Variants in CNTNAP2 observed in about 807,000 individuals in gnomAD.
The protein encoded by CNTNAP2 is contactin-associated protein-like 2.
CNTNAP2 carries 98 observed loss-of-function variants against 155.2 expected under a neutral mutation model. That is an observed-to-expected ratio of 0.63 (90% CI 0.54 to 0.75). CNTNAP2 has a LOEUF of 0.75. Ranked by LOEUF, CNTNAP2 falls within the 30% of genes least tolerant of loss-of-function variation. The probability of loss-of-function intolerance (pLI) is 0.00; values close to 1 mark genes in which losing one functional copy is unlikely to be tolerated. For synonymous variants in CNTNAP2, 651 were observed against 631.2 expected, an observed-to-expected ratio of 1.03 and a Z score of -0.47; for missense variants, 1,727 against 1,688.1, an observed-to-expected ratio of 1.02 and a Z score of -0.40.
chr7:148,225,407 C>T (rs528383988), intron 19 of CNTNAP2, among the ~76,000 whole-genome samples: 1 of 152,160 alleles, frequency 6.6e-6, no homozygotes, highest in Admixed American at 6.5e-5. Flanking sequence ...GCATCCTGAA[C>T]AGAAGAACCG....
intron 8 of CNTNAP2, among the ~76,000 whole-genome samples, chr7:147,267,900 G>A (rs1369668993): frequency 6.6e-6 from 1 of 152,076 alleles, no homozygotes; most frequent in Non-Finnish European, 1.5e-5. Context: ...AGAGTACAAG[G>A]TACCCAAGGG....
intron 4 of CNTNAP2, among the ~76,000 whole-genome samples, chr7:147,089,000 TAGAG>T (rs1800341580): frequency 6.9e-6 from 1 of 145,936 alleles, no homozygotes; most frequent in East Asian, 2.0e-4. Context: ...GACAGAGAGA[TAGAG>T]AGAGAAAGAG....
At chr7:147,293,111 C>T (rs1484412772) in intron 8 of CNTNAP2, among the ~76,000 whole-genome samples, 3 of 152,160 alleles carry the variant, frequency 2.0e-5, no homozygotes, top group African/African-American at 7.2e-5. Flanking sequence ...AATGTCATGA[C>T]ATACGATCTC....
At chr7:146,181,424 A>T (rs1041228448) in intron 1 of CNTNAP2, among the ~76,000 whole-genome samples, 1 of 152,150 alleles carries the variant, frequency 6.6e-6, no homozygotes, top group Non-Finnish European at 1.5e-5. Flanking sequence ...TTTTATTATT[A>T]TTTCTAATAA....
chr7:146,831,768 G>T (rs1007729658), intron 2 of CNTNAP2, among the ~76,000 whole-genome samples: 3 of 148,586 alleles, frequency 2.0e-5, no homozygotes, highest in African/African-American at 7.5e-5. Context: ...TACTCAGTTA[G>T]TAGTTTTGCT....
intron 1 of CNTNAP2, among the ~76,000 whole-genome samples, chr7:146,141,746 T>C (rs1173613228): frequency 1.3e-5 from 2 of 152,150 alleles, no homozygotes; most frequent in African/African-American, 4.8e-5. Context: ...TCATTAGGCA[T>C]TATTACATTT....
intron 9 of CNTNAP2, among the ~76,000 whole-genome samples, chr7:147,369,935 G>A (rs1463035346): frequency 1.3e-5 from 2 of 152,184 alleles, no homozygotes; most frequent in Non-Finnish European, 2.9e-5. Context: ...TTCCTAGCTT[G>A]TCACACGTGG....
At chr7:146,396,229 T>G (rs1479481589) in intron 1 of CNTNAP2, among the ~76,000 whole-genome samples, 1 of 152,174 alleles carries the variant, frequency 6.6e-6, no homozygotes, top group African/African-American at 2.4e-5. Flanking sequence ...CATAAATGTG[T>G]TCTTTTCCTT....
At chr7:146,624,924 T>A (rs1229136940) in intron 1 of CNTNAP2, among the ~76,000 whole-genome samples, 1 of 151,984 alleles carries the variant, frequency 6.6e-6, no homozygotes, top group Non-Finnish European at 1.5e-5. Flanking sequence ...ATTTTTAACA[T>A]GTTTTCCTCA....
intron 15 of CNTNAP2, among the ~76,000 whole-genome samples, chr7:148,094,969 T>G (rs1037404363): frequency 6.6e-6 from 1 of 151,982 alleles, no homozygotes; most frequent in African/African-American, 2.4e-5. Flanking sequence ...ATGTAAATAT[T>G]TAAGAGATAA....
intron 10 of CNTNAP2, among the ~76,000 whole-genome samples, chr7:147,469,666 C>A (rs6968227): frequency 2.7e-5 from 4 of 150,814 alleles, no homozygotes; most frequent in Non-Finnish European, 5.9e-5. Context: ...CTACAGGCGC[C>A]CGCCACCACG....
rs571594164 is a variant in CNTNAP2 at position 146,222,862 on chromosome 7, T to A, written c.97+105889T>A. Among the ~76,000 whole-genome samples, 323 of 151,968 alleles carry A rather than the reference T, an allele frequency of 2.1e-3. 3 individuals are homozygous for A. The highest frequency in any genetic ancestry group is 0.011 in the Admixed American group (167 of 15,256). ...TTTTAGTAGAGACGGGGTTTTACCA[T>A]GTTAGCCAGGATGGTCTCGATCTCC... On this transcript the variant is annotated intron_variant, in intron 1 of 23. Coordinates refer to ENST00000361727, the MANE Select transcript of CNTNAP2 (RefSeq NM_014141.6).
intron 2 of CNTNAP2, among the ~76,000 whole-genome samples, chr7:146,781,423 C>A (rs760348100): frequency 2.6e-5 from 4 of 151,950 alleles, no homozygotes; most frequent in Non-Finnish European, 5.9e-5. Flanking sequence ...ACAAAAGACA[C>A]CACTGAAGTT....
At chr7:147,300,463 C>A (rs1436054787) in intron 9 of CNTNAP2, among the ~76,000 whole-genome samples, 173 bp downstream of exon 9, 2 of 152,118 alleles carry the variant, frequency 1.3e-5, no homozygotes, top group Non-Finnish European at 2.9e-5. Flanking sequence ...AATTTTATTT[C>A]TTTCTGATGA....
At chr7:147,095,032 T>C (rs939899077) in intron 4 of CNTNAP2, among the ~76,000 whole-genome samples, 2 of 151,802 alleles carry the variant, frequency 1.3e-5, no homozygotes, top group African/African-American at 4.8e-5. Flanking sequence ...TTTGTTTTTG[T>C]TTTTAGAGAC....
intron 11 of CNTNAP2, among the ~76,000 whole-genome samples, chr7:147,536,638 T>C (rs1584798151): frequency 1.3e-5 from 2 of 152,292 alleles, no homozygotes; most frequent in Middle Eastern, 6.8e-3. Flanking sequence ...TCTACTTCAG[T>C]GGGAGGGAGA....
chr7:148,179,577 G>A (rs1411628772), intron 18 of CNTNAP2, among the ~76,000 whole-genome samples: 1 of 149,550 alleles, frequency 6.7e-6, no homozygotes, highest in African/African-American at 2.5e-5. Context: ...GAGAGAGGCG[G>A]GGTGCGGGGG....
intron 8 of CNTNAP2, among the ~76,000 whole-genome samples, chr7:147,170,859 G>A (rs1802212447): frequency 6.6e-6 from 1 of 152,186 alleles, no homozygotes; most frequent in African/African-American, 2.4e-5. Flanking sequence ...ACAGGCAGGC[G>A]GGGCTGCGGG....
At chr7:148,252,415 C>T (rs1189172347) in intron 20 of CNTNAP2, among the ~76,000 whole-genome samples, 4 of 152,164 alleles carry the variant, frequency 2.6e-5, no homozygotes. Context: ...ATCTGAAGTC[C>T]TCCCTGGGAT....
Sources: allele counts gnomAD v4.1 joint callset (sites outside exome capture counted in the v4.1 genomes callset), GRCh38; gene constraint gnomAD v4.1.1; transcripts MANE v1.5; gene names NCBI Gene and HGNC (gene_info 2026-07-23, HGNC 2026-07-21).